Variants in CDHR3 observed in about 807,000 individuals in gnomAD.
The protein encoded by CDHR3 is cadherin-related family member 3.
Under a neutral mutation model 86.6 loss-of-function variants are expected in CDHR3, and 79 were observed. The observed-to-expected ratio is 0.91, with a 90% CI of 0.76 to 1.10. The LOEUF is 1.10. CDHR3 is among the 50% of genes least tolerant of loss of function. CDHR3 has a pLI of 0.00. For missense variants in CDHR3, 1,081 were observed against 1,077.6 expected (o/e 1.00, Z -0.04); for synonymous variants, 421 against 402.4 (o/e 1.05, Z -0.55).
intron 8 of CDHR3, 132 bp downstream of exon 8, chr7:106,004,819 A>G (rs1833715788): frequency 1.2e-6 from 1 of 843,982 alleles, no homozygotes. Context: ...AATCGATGTG[A>G]ACTGTTCACT....
chr7:105,996,264 T>G lies in CDHR3; in HGVS notation c.623T>G (p.Val208Gly), dbSNP rs1289506087. ...TTCCCTGGCAGTTTCCATCTCATCG[T>G]GGAGGTGAGGGACAGTGGAGGCCTC... Reference protein sequence around the residue: ...EAGHRSFHLIVEVRDSGGLKA... With the variant: ...EAGHRSFHLIGEVRDSGGLKA... Residue 208 changes from valine (V) to glycine (G), a missense_variant, in exon 6 of 19, where the codon GTG becomes GGG. Coordinates refer to ENST00000317716, the MANE Select transcript of CDHR3 (RefSeq NM_152750.5). 6.3e-7 allele frequency: 1 copy of G among 1,585,516 alleles called. No homozygotes were observed. Among genetic ancestry groups the G allele is most frequent in the Admixed American group, 1.7e-5 (1 of 59,600 alleles).
intron 1 of CDHR3, among the ~76,000 whole-genome samples, chr7:105,965,664 G>T (rs1826812364): frequency 6.8e-6 from 1 of 147,372 alleles, no homozygotes; most frequent in Non-Finnish European, 1.5e-5. Flanking sequence ...TGGACTGCCT[G>T]CAAAGAGTTC....
chr7:105,999,505 C>T (rs1022316230), intron 6 of CDHR3, among the ~76,000 whole-genome samples: 1 of 152,160 alleles, frequency 6.6e-6, no homozygotes, highest in African/African-American at 2.4e-5. Flanking sequence ...AGCAGCATCT[C>T]CAGCTTCTAT....
chr7:106,035,477 A>T lies in CDHR3; in HGVS notation c.*2780A>T, dbSNP rs1192379256. ...TCCAAGTTCTTGGAGTTTTGAACAA[A>T]GAATGGAACAAAATGCCCAGCAAAG... On this transcript the variant is annotated 3_prime_UTR_variant, in exon 19 of 19. Transcript: ENST00000317716. Among the ~76,000 whole-genome samples, 1 of 152,240 alleles carries T rather than the reference A, an allele frequency of 6.6e-6. No individual in the cohort carries two copies. Among genetic ancestry groups the T allele is most frequent in the East Asian group, 1.9e-4 (1 of 5,206 alleles).
chr7:106,034,405 G>A lies in CDHR3; in HGVS notation c.*1708G>A, dbSNP rs556857215. ...ACCAGGTCCACAAGGTCCTGTGGGA[G>A]ACAGACTGGATCCAGCAAATGTAGA... On this transcript the variant is annotated 3_prime_UTR_variant, in exon 19 of 19. Transcript: ENST00000317716. Among the ~76,000 whole-genome samples the A allele has an allele frequency of 3.5e-4, 40 of 114,370 alleles. No homozygotes were observed. Among genetic ancestry groups the A allele is most frequent in the Admixed American group, 2.5e-3 (31 of 12,334 alleles). The allele number at this position is 114,370 out of a possible 152,430, so 75.0% of individuals were successfully genotyped here. A position where few individuals can be genotyped will look rare whatever the true frequency, so the allele number is the denominator to read the frequency against.
intron 2 of CDHR3, among the ~76,000 whole-genome samples, chr7:105,980,755 C>T (rs569801718): frequency 1.1e-3 from 161 of 151,810 alleles, no homozygotes; most frequent in Non-Finnish European, 1.7e-3. Context: ...TCCTAGGAAA[C>T]GCAGCATCAC....
At chr7:106,003,208 T>C (rs1015829995) in intron 7 of CDHR3, among the ~76,000 whole-genome samples, 1 of 151,916 alleles carries the variant, frequency 6.6e-6, no homozygotes, top group Non-Finnish European at 1.5e-5. Context: ...TGGAAGACTG[T>C]TGTATGTTTT....
At position 106,007,324 on chromosome 7, in the gene CDHR3, T is replaced by C. The variant is rs535706335; in HGVS notation, c.1052+2637T>C. ...AACATTCAGCTCCTTGTTACTTATG[T>C]AAATTTCTGCAGCTGTCTTGAATTT... On this transcript the variant is annotated intron_variant, in intron 8 of 18. Coordinates refer to ENST00000317716, the MANE Select transcript of CDHR3 (RefSeq NM_152750.5). Among the ~76,000 whole-genome samples, 449 of 152,368 alleles carry C rather than the reference T, an allele frequency of 2.9e-3. 2 individuals are homozygous for C. The highest frequency in any genetic ancestry group is 9.9e-3 in the African/African-American group (410 of 41,590).
In CDHR3 at chr7:106,015,938, G is replaced by A. The variant is rs193279079; in HGVS notation, c.1339G>A (p.Val447Ile). ...ATTTCCATTTTTAGATAACGTCTAC[G>A]TTTATATCCTAACAAGCCCAGAAAA... ...APPYYKNNVYVYILTSPENEF... is the reference protein window; with the variant it reads ...APPYYKNNVYIYILTSPENEF... The change falls in exon 11 of 19, where the codon GTT becomes ATT. Residue 447 changes from valine (V) to isoleucine (I), a missense_variant. Coordinates refer to ENST00000317716, the MANE Select transcript of CDHR3 (RefSeq NM_152750.5). 305 of 1,608,916 alleles carry A rather than the reference G, an allele frequency of 1.9e-4. No individual in the cohort carries two copies. The highest frequency in any genetic ancestry group is 2.3e-4 in the Non-Finnish European group (270 of 1,175,924).
chr7:106,017,896 A>T lies in CDHR3; in HGVS notation c.1477A>T (p.Ser493Cys). 1.2e-6 allele frequency: 2 copies of T among 1,606,844 alleles called. No individual in the cohort carries two copies. Among genetic ancestry groups the T allele is most frequent in the Admixed American group, 1.7e-5 (1 of 59,066 alleles). Reference protein sequence around the residue: ...VRATDKDLPQSSLLYSISTGG... With the variant: ...VRATDKDLPQCSLLYSISTGG... ...AGCCACTGATAAAGACCTCCCCCAG[A>T]GCAGCCTCCTGTACTCCATCTCCAC... The change falls in exon 12 of 19, where the codon AGC becomes TGC. Residue 493 changes from serine to cysteine, a missense_variant. By Grantham distance (112) the Ser-to-Cys change is moderately radical. Transcript: ENST00000317716.
Position 106,004,541 on chromosome 7 carries a change from A to G in CDHR3, c.906A>G (p.Ala302=), listed in dbSNP as rs1475617812. ...TGGCCCAAAGGATAGACCGAGATGC[A>G]GGTGAATTGAGACAAAATCCCACCA... ...IQVAQRIDRD[A]GELRQNPTIS... The change falls in exon 8 of 19, where the codon GCA becomes GCG. Residue 302 remains alanine (A), a synonymous_variant. Transcript: ENST00000317716. 1 of 1,614,034 alleles carries G rather than the reference A, an allele frequency of 6.2e-7. No individual in the cohort carries two copies. The highest frequency in any genetic ancestry group is 1.7e-5 in the Admixed American group (1 of 60,032).
chr7:106,017,564 GACACACACACACAC>G (rs539661927), intron 11 of CDHR3, among the ~76,000 whole-genome samples: 42 of 130,640 alleles, frequency 3.2e-4, no homozygotes, highest in African/African-American at 6.0e-4. Context: ...GTCACACACA[GACACACACACACAC>G]ACACACACAC....
rs139219502 is a variant in CDHR3 at position 106,020,020 on chromosome 7, T to A, written c.1654-353T>A. On this transcript the variant is annotated intron_variant, in intron 12 of 18. Transcript: ENST00000317716. ...ACTCGGTGTCATCTGCAGGTGAGCCTATGTGTCCAGGTGCATGTGTGTGTG... is the reference window on the plus strand; with the variant it reads ...ACTCGGTGTCATCTGCAGGTGAGCCAATGTGTCCAGGTGCATGTGTGTGTG... Among the ~76,000 whole-genome samples, 369 of 151,586 alleles carry A rather than the reference T, an allele frequency of 2.4e-3. 1 individual carries two copies. Among genetic ancestry groups the A allele is most frequent in the Non-Finnish European group, 3.8e-3 (259 of 67,932 alleles).
At chr7:106,012,466 G>C (rs1834960033) in intron 8 of CDHR3, among the ~76,000 whole-genome samples, 1 of 152,136 alleles carries the variant, frequency 6.6e-6, no homozygotes, top group African/African-American at 2.4e-5. Flanking sequence ...AAGAGCTCAG[G>C]GAGCACCAGA....
intron 1 of CDHR3, among the ~76,000 whole-genome samples, chr7:105,972,567 A>G (rs971882127): frequency 1.3e-5 from 2 of 152,194 alleles, no homozygotes; most frequent in Non-Finnish European, 2.9e-5. Context: ...TTTGCGAGAA[A>G]AGAGAATGGG....
In CDHR3 at chr7:106,034,546, T is replaced by TA. The variant is rs1838753928; in HGVS notation, c.*1851dup. 6.6e-6 allele frequency among the ~76,000 whole-genome samples: 1 copy of TA among 152,248 alleles called. No homozygotes were observed. Among genetic ancestry groups the TA allele is most frequent in the East Asian group, 1.9e-4 (1 of 5,198 alleles). On this transcript the variant is annotated 3_prime_UTR_variant, in exon 19 of 19. Transcript: ENST00000317716. The stretch of plus-strand genomic sequence containing the variant: ...GCCTAGATTGAGCGTGATTTATTAA[T>TA]AAGGGTTGGTTGCCAGGGAACTCCC...
rs1463691972 is a variant in CDHR3, at chr7:105,996,285, G to A, written c.644G>A (p.Gly215Asp). 2 of 1,598,658 alleles carry A rather than the reference G, an allele frequency of 1.3e-6. No individual in the cohort carries two copies. The highest frequency in any genetic ancestry group is 1.7e-6 in the Non-Finnish European group (2 of 1,167,558). Residue 215 changes from glycine (G) to aspartate (D), a missense_variant, in exon 6 of 19, where the codon GGC becomes GAC. Physicochemically the swap from Gly to Asp is moderately conservative, Grantham distance 94. Coordinates refer to ENST00000317716, the MANE Select transcript of CDHR3 (RefSeq NM_152750.5). ...ATCGTGGAGGTGAGGGACAGTGGAG[G>A]CCTCAAAGCCTCCACAGAGCTCCAG... ...HLIVEVRDSGGLKASTELQVN... is the reference protein window; with the variant it reads ...HLIVEVRDSGDLKASTELQVN...
chr7:106,004,781 G>T (rs1833710528), intron 8 of CDHR3, 94 bp downstream of exon 8: 4 of 1,229,026 alleles, frequency 3.3e-6, no homozygotes, highest in Non-Finnish European at 4.7e-6. Context: ...AGAATTATAA[G>T]CATTTGGAGA....
At chr7:105,997,792 CT>C (rs140453109) in intron 6 of CDHR3, among the ~76,000 whole-genome samples, 7,570 of 152,146 alleles carry the variant, frequency 0.05, 281 homozygotes, top group South Asian at 0.18. Flanking sequence ...CAGAAACTGA[CT>C]TTTAGCAGAG....
Sources: allele counts gnomAD v4.1 joint callset (sites outside exome capture counted in the v4.1 genomes callset), GRCh38; gene constraint gnomAD v4.1.1; transcripts MANE v1.5; gene names NCBI Gene and HGNC (gene_info 2026-07-23, HGNC 2026-07-21).